Variants in PLXNA4 observed in about 807,000 individuals in gnomAD.
PLXNA4 encodes plexin A4.
Under a neutral mutation model 191.8 loss-of-function variants are expected in PLXNA4, and 44 were observed. The ratio of observed to expected loss-of-function variants is 0.23; its 90% confidence interval spans 0.18 to 0.29. The LOEUF is 0.29. PLXNA4 is among the 10% of genes least tolerant of loss of function. The pLI is 1.00. For synonymous variants in PLXNA4, 1,082 were observed against 1,009.5 expected (o/e 1.07, Z -1.36); for missense variants, 1,800 against 2,488.8 (o/e 0.72, Z 5.89).
chr7:132,238,414 C>A (rs1306592377), intron 5 of PLXNA4, among the ~76,000 whole-genome samples: 1 of 152,128 alleles, frequency 6.6e-6, no homozygotes, highest in African/African-American at 2.4e-5. Flanking sequence ...TTGTTTAAAG[C>A]CCCACAACAA....
chr7:132,371,467 A>T (rs1299027548), intron 3 of PLXNA4, among the ~76,000 whole-genome samples: 1 of 152,202 alleles, frequency 6.6e-6, no homozygotes, highest in African/African-American at 2.4e-5. Context: ...CAATGATGTC[A>T]GTACCGCTTA....
intron 3 of PLXNA4, among the ~76,000 whole-genome samples, chr7:132,391,491 A>G (rs1042182204): frequency 1.3e-5 from 2 of 152,248 alleles, no homozygotes; most frequent in African/African-American, 4.8e-5. Flanking sequence ...TAGCCAAAGT[A>G]AAGCACCCTT....
At chr7:132,468,755 C>T (rs1056241465) in intron 3 of PLXNA4, among the ~76,000 whole-genome samples, 1 of 150,568 alleles carries the variant, frequency 6.6e-6, no homozygotes, top group Non-Finnish European at 1.5e-5. Context: ...CACACACACA[C>T]AATACACACA....
At chr7:132,238,928 C>A (rs1363589913) in intron 5 of PLXNA4, among the ~76,000 whole-genome samples, 1 of 152,158 alleles carries the variant, frequency 6.6e-6, no homozygotes, top group East Asian at 1.9e-4. Context: ...GGTCCTCATA[C>A]CATCTCATTT....
At chr7:132,420,847 A>G (rs1007284281) in intron 3 of PLXNA4, among the ~76,000 whole-genome samples, 1 of 151,052 alleles carries the variant, frequency 6.6e-6, no homozygotes, top group African/African-American at 2.4e-5. Flanking sequence ...CCCTGCATGC[A>G]CTCTCTTCTC....
At position 132,171,029 on chromosome 7, in the gene PLXNA4, G is replaced by A. The variant is rs900420158; in HGVS notation, c.4018-2457C>T. 9.2e-5 allele frequency among the ~76,000 whole-genome samples: 14 copies of A among 152,178 alleles called. No homozygotes were observed. The East Asian group carries it at 2.5e-3, about 27-fold the overall frequency. On this transcript the variant is annotated intron_variant, in intron 21 of 31. Transcript: ENST00000321063. ...GTTCTCCCCACCACTGGGGGCTGAT[G>A]AGGGAAGGACAACTTTACCTTGCCA...
At chr7:132,149,819 T>C (rs758622509) in intron 25 of PLXNA4, among the ~76,000 whole-genome samples, 1 of 152,222 alleles carries the variant, frequency 6.6e-6, no homozygotes, top group Non-Finnish European at 1.5e-5. Context: ...TCAGATTCTC[T>C]TCCTCGTTTC....
At chr7:132,299,934 C>T (rs2116512419) in intron 3 of PLXNA4, among the ~76,000 whole-genome samples, 1 of 152,240 alleles carries the variant, frequency 6.6e-6, no homozygotes, top group East Asian at 1.9e-4. Flanking sequence ...GTGGGCAGCC[C>T]TCTCCTAACA....
intron 1 of PLXNA4, among the ~76,000 whole-genome samples, chr7:132,530,303 A>C (rs896343460): frequency 6.6e-6 from 1 of 152,232 alleles, no homozygotes; most frequent in Non-Finnish European, 1.5e-5. Flanking sequence ...CTGTATTTAA[A>C]AATAGACCCA....
In PLXNA4 at chr7:132,487,578, G is replaced by A. The variant is rs76970952; in HGVS notation, c.1371+1714C>T. Among the ~76,000 whole-genome samples the A allele has an allele frequency of 1.6e-4, 24 of 152,312 alleles. No homozygotes were observed. In the East Asian group the frequency reaches 3.3e-3, roughly 21 times the overall value. On this transcript the variant is annotated intron_variant, in intron 3 of 31. Coordinates refer to ENST00000321063, the MANE Select transcript of PLXNA4 (RefSeq NM_020911.2). ...TTCTCTCCTCAGTGTGGACTGACGC[G>A]TGTCAGACACAATTTCAGAGTTTGG...
intron 3 of PLXNA4, among the ~76,000 whole-genome samples, chr7:132,463,752 C>T (rs570863279): frequency 6.6e-5 from 10 of 152,192 alleles, no homozygotes; most frequent in Admixed American, 2.6e-4. Flanking sequence ...ATCCACATGC[C>T]CCTGATTCTT....
intron 20 of PLXNA4, among the ~76,000 whole-genome samples, chr7:132,178,845 TACACACACACAC>T (rs56027205): frequency 1.2e-5 from 1 of 83,540 alleles, no homozygotes; most frequent in Non-Finnish European, 2.1e-5. Flanking sequence ...TACACATATA[TACACACACACAC>T]ACACACACAC....
In PLXNA4 at chr7:132,298,211, A is replaced by C; in HGVS notation, c.1383T>G (p.Asp461Glu). ...KSGKLKKIRV[D>E]GPRGNALQYE... ...ACTGGAGGGCGTTGCCCCTGGGTCC[A>C]TCCACCCGGATCTGTGGAGAAGAAG... Residue 461 changes from aspartate (D) to glutamate (E), a missense_variant, in exon 4 of 32, where the codon GAT (aspartate) becomes GAG (glutamate). Physicochemically the swap from Asp to Glu is conservative, Grantham distance 45. This residue lies in a region of PLXNA4 where 1,397 missense variants were observed against 1,880.4 expected (regional missense o/e 0.74). Coordinates refer to ENST00000321063, the MANE Select transcript of PLXNA4 (RefSeq NM_020911.2). 1 of 1,612,682 alleles carries C rather than the reference A, an allele frequency of 6.2e-7. No homozygotes were observed.
intron 2 of PLXNA4, among the ~76,000 whole-genome samples, chr7:132,596,865 G>GAAAAA (rs3067229): frequency 4.8e-5 from 7 of 144,698 alleles, no homozygotes; most frequent in African/African-American, 1.8e-4. Flanking sequence ...CCATGGTCCT[G>GAAAAA]AAAAAAAAAA....
chr7:132,276,509 C>A (rs978459756), intron 4 of PLXNA4, among the ~76,000 whole-genome samples: 1 of 152,094 alleles, frequency 6.6e-6, no homozygotes, highest in African/African-American at 2.4e-5. Context: ...GAGGAGTGCC[C>A]AGAAAGCAGG....
At chr7:132,568,529 A>T (rs552598483) in intron 1 of PLXNA4, among the ~76,000 whole-genome samples, 47 of 152,248 alleles carry the variant, frequency 3.1e-4, no homozygotes, top group Non-Finnish European at 4.9e-4. Context: ...CCAGACTCCC[A>T]ATTTATGTAT....
At chr7:132,572,149 A>G (rs1444164387) in intron 1 of PLXNA4, among the ~76,000 whole-genome samples, 1 of 152,196 alleles carries the variant, frequency 6.6e-6, no homozygotes, top group Non-Finnish European at 1.5e-5. Flanking sequence ...GGAAACCAGC[A>G]CAGTGATGAG....
chr7:132,168,108 C>T (rs1355186021), intron 22 of PLXNA4, among the ~76,000 whole-genome samples, 196 bp downstream of exon 22: 1 of 152,234 alleles, frequency 6.6e-6, no homozygotes, highest in Non-Finnish European at 1.5e-5. Context: ...CAAGTCCATG[C>T]ATCCTTGACT....
chr7:132,233,813 T>C (rs143121197), intron 5 of PLXNA4, among the ~76,000 whole-genome samples: 37 of 152,344 alleles, frequency 2.4e-4, no homozygotes, highest in Non-Finnish European at 3.4e-4. Flanking sequence ...GGTCCCTGAC[T>C]GGATTCTGAC....
Sources: allele counts gnomAD v4.1 joint callset (sites outside exome capture counted in the v4.1 genomes callset), GRCh38; gene constraint gnomAD v4.1.1; regional missense constraint gnomAD v4.1.1; transcripts MANE v1.5; gene names NCBI Gene and HGNC (gene_info 2026-07-23, HGNC 2026-07-21).